ABCB4: variants seen among roughly 807,000 people sequenced by gnomAD.
The protein encoded by ABCB4 is ATP binding cassette subfamily B member 4.
A neutral mutation model predicts 145.7 loss-of-function variants in ABCB4; 76 were observed. The observed-to-expected ratio is 0.52, with a 90% CI of 0.43 to 0.63. The LOEUF (loss-of-function observed/expected upper bound fraction) is 0.63. Ranked by LOEUF, ABCB4 falls within the 30% of genes least tolerant of loss-of-function variation. The pLI is 0.00. For missense variants in ABCB4, 1,234 were observed against 1,553.1 expected (o/e 0.79, Z 3.45); for synonymous variants, 517 against 566.8 (o/e 0.91, Z 1.25).
chr7:87,432,863 T>C (rs1810340051), intron 14 of ABCB4, among the ~76,000 whole-genome samples: 1 of 152,188 alleles, frequency 6.6e-6, no homozygotes, highest in East Asian at 1.9e-4. Context: ...TTTTATGGCA[T>C]GTGTTTGTAT....
chr7:87,471,047 G>T (rs1020216086), intron 3 of ABCB4, among the ~76,000 whole-genome samples: 1 of 152,142 alleles, frequency 6.6e-6, no homozygotes, highest in African/African-American at 2.4e-5. Flanking sequence ...CATAAAAAAT[G>T]ATGAGTTCAT....
chr7:87,398,543 G>C (rs774344387), downstream of ABCB4: 2 of 1,613,692 alleles, frequency 1.2e-6, no homozygotes, highest in Admixed American at 3.3e-5. Flanking sequence ...GGCCTGTTCA[G>C]CCTGGAAATC....
Position 87,426,786 on chromosome 7 carries a change from C to T in ABCB4, c.2028G>A (p.Met676Ile), listed in dbSNP as rs376702091. Residue 676 changes from methionine to isoleucine, a missense_variant, in exon 16 of 28, where the codon ATG (methionine) becomes ATA (isoleucine). This residue lies in a region of ABCB4 where 321 missense variants were observed against 332.6 expected (regional missense o/e 0.97). Transcript: ENST00000649586. ...STQKNLKNSQMCQKSLDVETD... is the reference protein window; with the variant it reads ...STQKNLKNSQICQKSLDVETD... ...TTTCCACATCAAGGCTCTTCTGACA[C>T]ATTTGTGAATTTTTAAGGTTTTTCT... 19 of 1,614,006 alleles carry T rather than the reference C, an allele frequency of 1.2e-5. No individual in the cohort carries two copies. Among genetic ancestry groups the T allele is most frequent in the South Asian group, 9.9e-5 (9 of 91,074 alleles).
At chr7:87,429,000 A>C (rs999171074) in intron 15 of ABCB4, among the ~76,000 whole-genome samples, 1 of 152,246 alleles carries the variant, frequency 6.6e-6, no homozygotes, top group African/African-American at 2.4e-5. Context: ...AACAACTAAG[A>C]GCCAACAGTC....
chr7:87,400,103 AGT>A (rs1807715845), downstream of ABCB4, among the ~76,000 whole-genome samples: 1 of 152,030 alleles, frequency 6.6e-6, no homozygotes, highest in African/African-American at 2.4e-5. Context: ...TGGTAGTGAG[AGT>A]GTTCTGAGAG....
chr7:87,413,793 T>TA (rs1171836297), intron 21 of ABCB4, 76 bp from the exon 22 acceptor site: 11 of 995,864 alleles, frequency 1.1e-5, no homozygotes, highest in Non-Finnish European at 1.8e-5. Flanking sequence ...CCTAGGGCTC[T>TA]GTCAAAAGTA....
chr7:87,393,108 G>T, the ABCB4 span: 29 of 1,586,612 alleles, frequency 1.8e-5, no homozygotes, highest in South Asian at 2.1e-4. Context: ...CTATAGAGTA[G>T]GAAAGGTATT....
chr7:87,381,391 G>A, the ABCB4 span, among the ~76,000 whole-genome samples: 11 of 152,284 alleles, frequency 7.2e-5, no homozygotes, highest in South Asian at 2.1e-3. Flanking sequence ...TTCTTAAACT[G>A]AGAATTATCA....
At chr7:87,368,733 C>T in the ABCB4 span, among the ~76,000 whole-genome samples, 5 of 152,148 alleles carry the variant, frequency 3.3e-5, no homozygotes, top group South Asian at 6.2e-4. Flanking sequence ...TAAGAAGATC[C>T]TTGGCAAAAG....
At chr7:87,469,201 T>C (rs541062915) in intron 3 of ABCB4, among the ~76,000 whole-genome samples, 1 of 152,232 alleles carries the variant, frequency 6.6e-6, no homozygotes, top group South Asian at 2.1e-4. Flanking sequence ...TCTCAATAAA[T>C]TAGGTATTGA....
the ABCB4 span, chr7:87,375,656 G>A: frequency 6.2e-7 from 1 of 1,613,304 alleles, no homozygotes; most frequent in Non-Finnish European, 8.5e-7. Context: ...TCCACAAGAA[G>A]TGCCATAGTG....
In ABCB4 at chr7:87,451,479, C is replaced by T. The variant is rs1811727031; in HGVS notation, c.708+144G>A. ...TTAAAAATTAATTTCCTTATGAAAG[C>T]ATCATATTAACACCATGTTACTGGA... On this transcript the variant is annotated intron_variant, in intron 7 of 27. Transcript: ENST00000649586. 3.6e-6 allele frequency: 3 copies of T among 841,600 alleles called. No homozygotes were observed. In the South Asian group the frequency reaches 4.8e-5, roughly 14 times the overall value. The allele number at this position is 841,600 out of a possible 1,614,324, so 52.1% of individuals were successfully genotyped here.
Position 87,417,320 on chromosome 7 carries a change from C to T in ABCB4, c.2674G>A (p.Ala892Thr), listed in dbSNP as rs1377182086. 3.1e-6 allele frequency: 5 copies of T among 1,614,038 alleles called. No individual in the cohort carries two copies. Among genetic ancestry groups the T allele is most frequent in the Non-Finnish European group, 4.2e-6 (5 of 1,179,970 alleles). Residue 892 changes from alanine to threonine, a missense_variant, in exon 21 of 28, where the codon GCT becomes ACT. By Grantham distance (58) the Ala-to-Thr change is moderately conservative. Transcript: ENST00000649586. ...AATCTTATTTGACCTACCTTTCCAGCAGCTTCCAGTTCTTTTTTATCTCTT... is the reference window on the plus strand; with the variant it reads ...AATCTTATTTGACCTACCTTTCCAGTAGCTTCCAGTTCTTTTTTATCTCTT... ...AKRDKKELEA[A>T]GKIATEAIEN...
At chr7:87,398,260 A>T, downstream of ABCB4, 1 of 617,666 alleles carries the variant, frequency 1.6e-6, no homozygotes, top group Non-Finnish European at 3.0e-6. Context: ...AAACGCAGTA[A>T]GACCTAGCTT....
intron 26 of ABCB4, 140 bp downstream of exon 26, chr7:87,406,148 G>A (rs1808167265): frequency 8.6e-6 from 7 of 818,186 alleles, no homozygotes. Context: ...AAGGAAGCTT[G>A]GTATCCTGAA....
chr7:87,473,797 T>C (rs1047234222), intron 2 of ABCB4, among the ~76,000 whole-genome samples: 1 of 152,132 alleles, frequency 6.6e-6, no homozygotes, highest in African/African-American at 2.4e-5. Flanking sequence ...GATGCATTTA[T>C]CCAGGTAAAT....
In ABCB4 at chr7:87,431,458, G is replaced by T; in HGVS notation, c.1839C>A (p.Ser613Arg). 1 of 1,614,116 alleles carries T rather than the reference G, an allele frequency of 6.2e-7. No homozygotes were observed. Among genetic ancestry groups the T allele is most frequent in the Non-Finnish European group, 8.5e-7 (1 of 1,179,988 alleles). ...FEDGVIVEQG[S>R]HSELMKKEGV... ...CTTCCTTCTTCATCAGTTCGCTGTG[G>T]CTTCCTTGCTCCACAATTACTCCAT... The change falls in exon 15 of 28, where the codon AGC becomes AGA. Residue 613 changes from serine (S) to arginine (R), a missense_variant. Transcript: ENST00000649586.
At chr7:87,413,549 C>T in intron 22 of ABCB4, 68 bp downstream of exon 22, 1 of 1,041,432 alleles carries the variant, frequency 9.6e-7, no homozygotes, top group Non-Finnish European at 1.5e-6. Context: ...CTTTTATTAT[C>T]TTTTTGGGAC....
rs572506775 is a variant in ABCB4, at chr7:87,418,046, G to A, written c.2478+491C>T. On this transcript the variant is annotated intron_variant, in intron 20 of 27. Transcript: ENST00000649586. Reference sequence around the variant, plus strand: ...TGCATCCATTCCTCCTTCTCCTGTTGTGTGGAAGCAGTGAGCTGCAAAGTA... The same window carrying A: ...TGCATCCATTCCTCCTTCTCCTGTTATGTGGAAGCAGTGAGCTGCAAAGTA... Among the ~76,000 whole-genome samples, 181 of 152,362 alleles carry A rather than the reference G, an allele frequency of 1.2e-3. 1 individual carries two copies. The highest frequency in any genetic ancestry group is 2.3e-3 in the Non-Finnish European group (154 of 68,040).
Sources: allele counts gnomAD v4.1 joint callset (sites outside exome capture counted in the v4.1 genomes callset), GRCh38; gene constraint gnomAD v4.1.1; regional missense constraint gnomAD v4.1.1; transcripts MANE v1.5; gene names NCBI Gene and HGNC (gene_info 2026-07-23, HGNC 2026-07-21).